Variants in MYH7 observed in about 807,000 individuals in gnomAD.
MYH7 encodes the protein myosin-7.
MYH7 carries 129 observed loss-of-function variants against 225.4 expected under a neutral mutation model. The observed-to-expected ratio is 0.57, with a 90% CI of 0.50 to 0.66. The LOEUF (loss-of-function observed/expected upper bound fraction) is 0.66. Ranked by LOEUF, MYH7 falls within the 30% of genes least tolerant of loss-of-function variation. The probability of loss-of-function intolerance (pLI) is 0.00; values close to 1 mark genes in which losing one functional copy is unlikely to be tolerated. For synonymous variants in MYH7, 971 were observed against 1,007.6 expected (o/e 0.96, Z 0.69); for missense variants, 1,649 against 2,517.0 (o/e 0.66, Z 7.38).
chr14:23,414,018 C>A lies in MYH7; in HGVS notation c.5644G>T (p.Ala1882Ser). The A allele has an allele frequency of 6.2e-7, 1 of 1,614,204 alleles. No homozygotes were observed. The highest frequency in any genetic ancestry group is 8.5e-7 in the Non-Finnish European group (1 of 1,180,052). ...GCAGGGTCACTCACCGCCTCCTCGG[C>A]CTGGCGCTTGTAGGCCTTGACCTTT... ...QLKVKAYKRQAEEAEEQANTN... is the reference protein window; with the variant it reads ...QLKVKAYKRQSEEAEEQANTN... Residue 1882 changes from alanine (A) to serine (S), a missense_variant, in exon 38 of 40, where the codon GCC becomes TCC. Ala to Ser is a moderately conservative substitution (Grantham distance 99, BLOSUM62 1). Around this residue, in one of 12 missense-constraint regions of MYH7, gnomAD observed 687 missense variants for 913.8 expected, o/e 0.75. Transcript: ENST00000355349.
Position 23,426,870 on chromosome 14 carries a change from G to A in MYH7, c.1957-6C>T. ...ATCAGCTTGTTCAGATTTTCCTGTGGCCAAAAATGCAATAGAGAAAAGTAA... is the reference window on the plus strand; with the variant it reads ...ATCAGCTTGTTCAGATTTTCCTGTGACCAAAAATGCAATAGAGAAAAGTAA... On this transcript the variant is annotated splice_polypyrimidine_tract_variant and splice_region_variant and intron_variant, in intron 17 of 39. Transcript: ENST00000355349. 1 of 1,612,952 alleles carries A rather than the reference G, an allele frequency of 6.2e-7. No homozygotes were observed. Among genetic ancestry groups the A allele is most frequent in the Non-Finnish European group, 8.5e-7 (1 of 1,179,072 alleles).
intron 28 of MYH7, 23 bp downstream of exon 28, chr14:23,419,460 T>C (rs889087950): frequency 2.5e-6 from 4 of 1,613,510 alleles, no homozygotes; most frequent in Middle Eastern, 1.7e-4. Flanking sequence ...GTGGGAACCA[T>C]GGAGCCCCTG....
chr14:23,432,603 A>G (rs1892993238), intron 5 of MYH7, 36 bp downstream of exon 5: 2 of 1,614,130 alleles, frequency 1.2e-6, no homozygotes, highest in Non-Finnish European at 1.7e-6. Flanking sequence ...GGCCTATCCC[A>G]GTTCCCTTCA....
At chr14:23,413,660 T>A (rs1441988738) in intron 39 of MYH7, 99 bp downstream of exon 39, 1 of 1,529,906 alleles carries the variant, frequency 6.5e-7, no homozygotes, top group Non-Finnish European at 8.9e-7. Context: ...GGCTCAAGTG[T>A]GTGGAATAAA....
Position 23,424,850 on chromosome 14 carries a change from G to C in MYH7, c.2598C>G (p.Ser866=). 1 of 1,614,176 alleles carries C rather than the reference G, an allele frequency of 6.2e-7. No individual in the cohort carries two copies. Among genetic ancestry groups the C allele is most frequent in the Non-Finnish European group, 8.5e-7 (1 of 1,180,044 alleles). ...CCTCCAGCTCCTTGCGGCGAGCCTC[G>C]GACTTCTCTAGCGCCTCTTTGAGGC... The part of the protein sequence containing the change: ...FTRLKEALEK[S]EARRKELEEK... Residue 866 remains serine (S), a synonymous_variant, in exon 22 of 40, where the codon TCC becomes TCG. Coordinates refer to ENST00000355349, the MANE Select transcript of MYH7 (RefSeq NM_000257.4).
In MYH7 at chr14:23,415,324, T is replaced by C; in HGVS notation, c.5284-54A>G. Reference sequence around the variant, plus strand: ...TCTGGTCAAGTCCTCACACACTTGCTGCCCAGCCCACGGAGAGACACTGGT... The same window carrying C: ...TCTGGTCAAGTCCTCACACACTTGCCGCCCAGCCCACGGAGAGACACTGGT... On this transcript the variant is annotated intron_variant, in intron 36 of 39. Transcript: ENST00000355349. The surrounding 1 kb of genome is among the most constrained non-coding windows in gnomAD (Gnocchi z 6.3). 4 of 1,614,244 alleles carry C rather than the reference T, an allele frequency of 2.5e-6. No homozygotes were observed. Among genetic ancestry groups the C allele is most frequent in the Non-Finnish European group, 2.5e-6 (3 of 1,180,040 alleles).
intron 17 of MYH7, 152 bp from the exon 18 acceptor site, chr14:23,427,016 A>C: frequency 1.2e-6 from 1 of 838,084 alleles, no homozygotes. Flanking sequence ...GGATAAGGAG[A>C]GAGGGTGGGA....
intron 15 of MYH7, 108 bp from the exon 16 acceptor site, chr14:23,428,002 G>A: frequency 7.1e-7 from 1 of 1,401,398 alleles, no homozygotes; most frequent in Non-Finnish European, 9.9e-7. Flanking sequence ...TGGGTGTTAA[G>A]GTAGTAGGCT....
intron 18 of MYH7, among the ~76,000 whole-genome samples, 158 bp from the exon 19 acceptor site, chr14:23,426,239 G>A (rs558114532): frequency 3.9e-5 from 6 of 152,134 alleles, no homozygotes; most frequent in African/African-American, 7.2e-5. Flanking sequence ...TAACTAAAAG[G>A]CTTTCACATT....
intron 37 of MYH7, 60 bp downstream of exon 37, chr14:23,414,935 A>C (rs1892120647): frequency 1.2e-6 from 2 of 1,600,464 alleles, no homozygotes; most frequent in Admixed American, 3.3e-5. Flanking sequence ...CATTCTCCTC[A>C]GCTGGTTGTC....
chr14:23,435,153 T>G (rs966733217), intron 1 of MYH7, among the ~76,000 whole-genome samples: 1 of 152,032 alleles, frequency 6.6e-6, no homozygotes, highest in African/African-American at 2.4e-5. Context: ...TCTGCATGCA[T>G]GGACAGGGGT....
chr14:23,434,810 G>A (rs77356706), intron 1 of MYH7, among the ~76,000 whole-genome samples: 5,190 of 152,082 alleles, frequency 0.034, 161 homozygotes, highest in African/African-American at 0.085. Context: ...AAGACACTGT[G>A]GGCTTCCTCT....
intron 37 of MYH7, 54 bp downstream of exon 37, chr14:23,414,941 T>A (rs1892120754): frequency 6.2e-7 from 1 of 1,600,828 alleles, no homozygotes; most frequent in Non-Finnish European, 8.5e-7. Context: ...CCTCAGCTGG[T>A]TGTCACTGTG....
chr14:23,418,450 TA>T, intron 29 of MYH7, 44 bp from the exon 30 acceptor site: 1 of 1,563,362 alleles, frequency 6.4e-7, no homozygotes, highest in Non-Finnish European at 8.6e-7. Context: ...GCTTTCTCCA[TA>T]AAGCAACCCC....
intron 25 of MYH7, 86 bp downstream of exon 25, chr14:23,422,094 G>A (rs949119187): frequency 3.8e-6 from 6 of 1,592,996 alleles, no homozygotes; most frequent in Non-Finnish European, 4.3e-6. Flanking sequence ...GCGTGAGGTT[G>A]TTGCCTCAGA....
rs1595077685 is a variant in MYH7 at position 23,419,567 on chromosome 14, T to G, written c.3769A>C (p.Asn1257His). The G allele has an allele frequency of 5.0e-6, 8 of 1,613,924 alleles. No homozygotes were observed. Among genetic ancestry groups the G allele is most frequent in the Non-Finnish European group, 5.9e-6 (7 of 1,179,998 alleles). ...KMCRTLEDQM[N>H]EHRSKAEETQ... ...TCCTCCGCCTTGCTCCGGTGCTCAT[T>G]CATCTGGTCTTCCAAGGTCCGGCAC... The change falls in exon 28 of 40, where the codon AAT becomes CAT. Residue 1257 changes from asparagine to histidine, a missense_variant. By Grantham distance (68) the Asn-to-His change is moderately conservative. Around this residue, in one of 12 missense-constraint regions of MYH7, gnomAD observed 687 missense variants for 913.8 expected, o/e 0.75. Transcript: ENST00000355349.
rs746821063 is a variant in MYH7 at position 23,425,718 on chromosome 14, G to C, written c.2263C>G (p.Gln755Glu). 1 of 1,613,884 alleles carries C rather than the reference G, an allele frequency of 6.2e-7. No individual in the cohort carries two copies. The highest frequency in any genetic ancestry group is 1.3e-5 in the African/African-American group (1 of 74,908). ...LLSSLDIDHNQYKFGHTKVFF... is the reference protein window; with the variant it reads ...LLSSLDIDHNEYKFGHTKVFF... ...ACCTTGGTGTGGCCAAACTTGTACTGGTTGTGATCAATGTCCAGGGAGCTG... is the reference window on the plus strand; with the variant it reads ...ACCTTGGTGTGGCCAAACTTGTACTCGTTGTGATCAATGTCCAGGGAGCTG... The change falls in exon 20 of 40, where the codon CAG becomes GAG. Residue 755 changes from glutamine (Q) to glutamate (E), a missense_variant. Gln to Glu is a conservative substitution (Grantham distance 29). Around this residue, in one of 12 missense-constraint regions of MYH7, gnomAD observed 41 missense variants for 124.8 expected, o/e 0.33. Transcript: ENST00000355349. The surrounding 1 kb of genome is among the most constrained non-coding windows in gnomAD (Gnocchi z 4.6).
chr14:23,420,899 G>A, intron 26 of MYH7, 59 bp downstream of exon 26: 1 of 1,295,372 alleles, frequency 7.7e-7, no homozygotes, highest in Non-Finnish European at 1.1e-6. Flanking sequence ...AGAGGAGGGG[G>A]CAGGGGAAAC....
Position 23,418,248 on chromosome 14 carries a change from C to T in MYH7, c.4131G>A (p.Thr1377=), listed in dbSNP as rs369420587. 3.8e-5 allele frequency: 62 copies of T among 1,613,444 alleles called. No homozygotes were observed. The highest frequency in any genetic ancestry group is 5.0e-5 in the Admixed American group (3 of 60,010). ...EVAQWRTKYE[T]DAIQRTEELE... The stretch of plus-strand genomic sequence containing the variant: ...GCTCCTCAGTCCGCTGAATGGCGTC[C>T]GTCTCATACTTGGTCCTCCACTGGG... Residue 1377 remains threonine, a synonymous_variant, in exon 30 of 40, where the codon ACG becomes ACA. Coordinates refer to ENST00000355349, the MANE Select transcript of MYH7 (RefSeq NM_000257.4).
Sources: allele counts gnomAD v4.1 joint callset (sites outside exome capture counted in the v4.1 genomes callset), GRCh38; gene constraint gnomAD v4.1.1; regional missense constraint gnomAD v4.1.1; non-coding constraint Gnocchi (gnomAD v3.1); transcripts MANE v1.5; gene names NCBI Gene and HGNC (gene_info 2026-07-23, HGNC 2026-07-21).